Variants in MTO1 observed in about 807,000 individuals in gnomAD.
MTO1 encodes the protein 5-taurinomethyluridine-[tRNA] synthase subunit MTO1, mitochondrial.
In MTO1, 46 loss-of-function variants were observed where a neutral mutation model predicts 71.6. That is an observed-to-expected ratio of 0.64 (90% confidence interval 0.51 to 0.82). MTO1 has a LOEUF of 0.82. Ranked by LOEUF, MTO1 falls within the 40% of genes least tolerant of loss-of-function variation. The probability of loss-of-function intolerance (pLI) is 0.00; values close to 1 mark genes in which losing one functional copy is unlikely to be tolerated. For synonymous variants in MTO1, 297 were observed against 312.1 expected, an observed-to-expected ratio of 0.95 and a Z score of 0.51; for missense variants, 773 against 867.5, an observed-to-expected ratio of 0.89 and a Z score of 1.37.
In MTO1 at chr6:73,466,562, A is replaced by G. The variant is rs946557844; in HGVS notation, c.491A>G (p.Glu164Gly). 8.7e-6 allele frequency: 14 copies of G among 1,614,040 alleles called. No individual in the cohort carries two copies. Among genetic ancestry groups the G allele is most frequent in the African/African-American group, 1.3e-5 (1 of 74,916 alleles). ...GAAGATCTTATTCTTACAGAACCAG[A>G]GCCTGAACACACTGGGAAATGCCGT... Reference protein sequence around the residue: ...AVEDLILTEPEPEHTGKCRVS... With the variant: ...AVEDLILTEPGPEHTGKCRVS... Residue 164 changes from glutamate to glycine, a missense_variant, in exon 3 of 12, where the codon GAG becomes GGG. Glu to Gly is a moderately conservative substitution (Grantham distance 98, BLOSUM62 -2). Transcript: ENST00000498286.
At chr6:73,493,585 TTCA>T (rs1771891426) in intron 10 of MTO1, among the ~76,000 whole-genome samples, 1 of 151,476 alleles carries the variant, frequency 6.6e-6, no homozygotes. Context: ...GAGACAGGGT[TTCA>T]TCACATTGGC....
rs1772198866 is a variant in MTO1, at chr6:73,502,895, C to CAG, written c.*2161_*2162insGA. 1 of 129,988 alleles carries CAG rather than the reference C, an allele frequency of 7.7e-6. No individual in the cohort carries two copies. The highest frequency in any genetic ancestry group is 7.9e-5 in the Admixed American group (1 of 12,732). 8.1% of individuals were successfully genotyped at this position (129,988 alleles called of 1,614,324 possible). A position where few individuals can be genotyped will look rare whatever the true frequency, so the allele number is the denominator to read the frequency against. ...CTGGCAACAGAGTGAGACTCTGTCT[C>CAG]AAAAAAAAAAAAAGAAACAGGAAGT... On this transcript the variant is annotated 3_prime_UTR_variant, in exon 12 of 12. Transcript: ENST00000498286.
chr6:73,478,168 C>T (rs1458484735), intron 4 of MTO1, among the ~76,000 whole-genome samples: 1 of 151,730 alleles, frequency 6.6e-6, no homozygotes, highest in Admixed American at 6.6e-5. Flanking sequence ...ATTGCTTGAA[C>T]CCGGGAGGCA....
intron 10 of MTO1, 40 bp from the exon 11 acceptor site, chr6:73,497,696 A>T: frequency 6.3e-7 from 1 of 1,581,802 alleles, no homozygotes; most frequent in Non-Finnish European, 8.7e-7. Flanking sequence ...AGTATAATAT[A>T]ATCTGGGTAT....
intron 9 of MTO1, among the ~76,000 whole-genome samples, chr6:73,490,369 C>G (rs1394207776): frequency 2.0e-5 from 3 of 152,166 alleles, no homozygotes; most frequent in Non-Finnish European, 4.4e-5. Flanking sequence ...TTGCCCATGC[C>G]TATGTCCTAA....
chr6:73,473,365 T>A lies in MTO1; in HGVS notation c.536T>A (p.Val179Glu). 6.3e-7 allele frequency: 1 copy of A among 1,598,998 alleles called. No individual in the cohort carries two copies. The highest frequency in any genetic ancestry group is 1.1e-5 in the South Asian group (1 of 89,544). Reference protein sequence around the residue: ...GKCRVSGVVLVDGSTVYAESV... With the variant: ...GKCRVSGVVLEDGSTVYAESV... ...TTTATTCTTTTTTCTTGTTATTTAG[T>A]GGATGGAAGCACAGTATATGCAGAG... Residue 179 changes from valine to glutamate, a missense_variant and splice_region_variant, in exon 4 of 12, where the codon GTG (valine) becomes GAG (glutamate). By Grantham distance (121) the Val-to-Glu change is moderately radical. Coordinates refer to ENST00000498286, the MANE Select transcript of MTO1 (RefSeq NM_012123.4).
At position 73,507,319 on chromosome 6, in the gene MTO1, G is replaced by C. The variant is rs1049316511; in HGVS notation, c.*6584G>C. 3 of 152,148 alleles carry C rather than the reference G, an allele frequency of 2.0e-5. No individual in the cohort carries two copies. The highest frequency in any genetic ancestry group is 7.2e-5 in the African/African-American group (3 of 41,434). 9.4% of individuals were successfully genotyped at this position (152,148 alleles called of 1,614,324 possible). A position where few individuals can be genotyped will look rare whatever the true frequency, so the allele number is the denominator to read the frequency against. ...TACTCCAGCCTAGGCAACAGAGCAA[G>C]ACCCAGTCTCTAAAAAATAAATGAA... On this transcript the variant is annotated 3_prime_UTR_variant, in exon 12 of 12. Transcript: ENST00000498286.
At chr6:73,463,020 CT>C (rs538317090) in intron 1 of MTO1, among the ~76,000 whole-genome samples, 1,596 of 140,960 alleles carry the variant, frequency 0.011, 6 homozygotes, top group Middle Eastern at 0.037. Context: ...ACCATGCTAC[CT>C]TTTTTTTTTT....
At chr6:73,470,202 AT>A (rs200843335) in intron 3 of MTO1, among the ~76,000 whole-genome samples, 1 of 150,782 alleles carries the variant, frequency 6.6e-6, no homozygotes, top group African/African-American at 2.4e-5. Context: ...ATTTATTTTT[AT>A]TTTTTCTTTT....
chr6:73,499,236 GC>G (rs1318298968), intron 11 of MTO1, among the ~76,000 whole-genome samples: 2 of 152,056 alleles, frequency 1.3e-5, no homozygotes, highest in African/African-American at 4.8e-5. Context: ...AGGAAAATAA[GC>G]CTTAAATTTT....
In MTO1 at chr6:73,480,528, C is replaced by G. The variant is rs143223871; in HGVS notation, c.1130-147C>G. 28,922 of 1,034,578 alleles carry G rather than the reference C, an allele frequency of 0.028. 558 individuals carry two copies. Among genetic ancestry groups the G allele is most frequent in the Non-Finnish European group, 0.034 (24,255 of 704,374 alleles). 64.1% of individuals were successfully genotyped at this position (1,034,578 alleles called of 1,614,324 possible). A position where few individuals can be genotyped will look rare whatever the true frequency, so the allele number is the denominator to read the frequency against. The stretch of plus-strand genomic sequence containing the variant: ...CAGGTGATCCACCCGCCTTGGCCCC[C>G]CAAAGTGCTGAGATTACAGGTGTGA... On this transcript the variant is annotated intron_variant, in intron 6 of 11. Coordinates refer to ENST00000498286, the MANE Select transcript of MTO1 (RefSeq NM_012123.4).
Position 73,503,115 on chromosome 6 carries a change from CTTT to C in MTO1, c.*2381_*2383del, listed in dbSNP as rs1424855994. 6.6e-6 allele frequency: 1 copy of C among 151,984 alleles called. No homozygotes were observed. The highest frequency in any genetic ancestry group is 1.5e-5 in the Non-Finnish European group (1 of 67,984). 9.4% of individuals were successfully genotyped at this position (151,984 alleles called of 1,614,324 possible). On this transcript the variant is annotated 3_prime_UTR_variant, in exon 12 of 12. Transcript: ENST00000498286. Reference sequence around the variant, plus strand: ...ATGATTTGCTTTAGGATGTGAACTTCTTTATTTTTTAGAGACAGGGTCTCACTC... The same window carrying C: ...ATGATTTGCTTTAGGATGTGAACTTCATTTTTTAGAGACAGGGTCTCACTC...
chr6:73,482,403 T>G (rs889559790), intron 8 of MTO1, 46 bp from the exon 9 acceptor site: 3 of 1,584,522 alleles, frequency 1.9e-6, no homozygotes, highest in Non-Finnish European at 2.6e-6. Context: ...AAAAATTTGC[T>G]TTAAAAACCA....
chr6:73,499,895 A>T (rs1037096375), intron 11 of MTO1, among the ~76,000 whole-genome samples: 1 of 152,276 alleles, frequency 6.6e-6, no homozygotes, highest in Non-Finnish European at 1.5e-5. Flanking sequence ...TAATAGGATT[A>T]AAAATGTGGG....
rs150910593 is a variant in MTO1 at position 73,473,219 on chromosome 6, C to T, written c.536-146C>T. 0.011 allele frequency: 9,218 copies of T among 816,032 alleles called. 91 individuals carry two copies. Among genetic ancestry groups the T allele is most frequent in the Non-Finnish European group, 0.015 (8,009 of 542,884 alleles). The allele number at this position is 816,032 out of a possible 1,614,324, so 50.5% of individuals were successfully genotyped here. A position where few individuals can be genotyped will look rare whatever the true frequency, so the allele number is the denominator to read the frequency against. On this transcript the variant is annotated intron_variant, in intron 3 of 11. Transcript: ENST00000498286. ...GCTTGAACCCGGGAGGCGGAGGTTGCAGTGAGCGGACATTGCACCACTGCC... is the reference window on the plus strand; with the variant it reads ...GCTTGAACCCGGGAGGCGGAGGTTGTAGTGAGCGGACATTGCACCACTGCC...
chr6:73,493,354 A>ATGTGTGTGTGTG (rs144509962), intron 10 of MTO1, among the ~76,000 whole-genome samples: 10,346 of 139,292 alleles, frequency 0.074, 522 homozygotes, highest in East Asian at 0.21. Context: ...ATGTGCATGT[A>ATGTGTGTGTGTG]TGTGTGTGTG....
intron 9 of MTO1, among the ~76,000 whole-genome samples, chr6:73,489,110 AT>A (rs930451929): frequency 6.6e-6 from 1 of 152,052 alleles, no homozygotes; most frequent in Admixed American, 6.6e-5. Flanking sequence ...TATTGTGTTG[AT>A]TTTTGTATAT....
At position 73,482,648 on chromosome 6, in the gene MTO1, C is replaced by T. The variant is rs984321390; in HGVS notation, c.1637+28C>T. The T allele has an allele frequency of 3.2e-6, 5 of 1,540,394 alleles. No individual in the cohort carries two copies. In the African/African-American group the frequency reaches 7.0e-5, roughly 21 times the overall value. ...ATGCATTTTTAATATAGACCTTTCT[C>T]ACTTTTTATAGAAAAATAAGATCAT... is the stretch of plus-strand genomic sequence containing the variant. On this transcript the variant is annotated intron_variant, in intron 9 of 11. Coordinates refer to ENST00000498286, the MANE Select transcript of MTO1 (RefSeq NM_012123.4).
At chr6:73,463,513 C>T (rs1029531159) in intron 1 of MTO1, among the ~76,000 whole-genome samples, 1 of 152,080 alleles carries the variant, frequency 6.6e-6, no homozygotes, top group East Asian at 1.9e-4. Context: ...TTTCCTCCTT[C>T]CTTTTGCTTA....
Sources: allele counts gnomAD v4.1 joint callset (sites outside exome capture counted in the v4.1 genomes callset), GRCh38; gene constraint gnomAD v4.1.1; transcripts MANE v1.5; gene names NCBI Gene and HGNC (gene_info 2026-07-23, HGNC 2026-07-21).